Variants in CPNE8 observed in about 807,000 individuals in gnomAD.
CPNE8 encodes the protein copine 8, also known as copine-8.
CPNE8 carries 45 observed loss-of-function variants against 81.5 expected under a neutral mutation model. The ratio of observed to expected loss-of-function variants is 0.55; its 90% confidence interval spans 0.44 to 0.71. The LOEUF is 0.71. CPNE8 is among the 30% of genes least tolerant of loss of function. The probability of loss-of-function intolerance (pLI) is 0.00; values close to 1 mark genes in which losing one functional copy is unlikely to be tolerated. For missense variants in CPNE8, 594 were observed against 672.1 expected (o/e 0.88, Z 1.28); for synonymous variants, 252 against 226.3 (o/e 1.11, Z -1.02).
chr12:38,731,938 T>A (rs1565588456), intron 10 of CPNE8, among the ~76,000 whole-genome samples: 1 of 151,920 alleles, frequency 6.6e-6, no homozygotes, highest in Non-Finnish European at 1.5e-5. Flanking sequence ...ATGAAGGTTT[T>A]TTTTTAGAAT....
chr12:38,708,359 A>T (rs1464245092), intron 13 of CPNE8, among the ~76,000 whole-genome samples: 3 of 145,540 alleles, frequency 2.1e-5, no homozygotes, highest in East Asian at 2.0e-4. Flanking sequence ...GGAAAAAAAA[A>T]ATCAATCGTG....
intron 17 of CPNE8, among the ~76,000 whole-genome samples, chr12:38,676,860 A>G (rs1939301213): frequency 6.6e-6 from 1 of 152,176 alleles, no homozygotes; most frequent in African/African-American, 2.4e-5. Flanking sequence ...TAAAGTGCAT[A>G]TTAATGCCAC....
At chr12:38,887,297 A>G (rs1418221934) in intron 1 of CPNE8, among the ~76,000 whole-genome samples, 1 of 152,204 alleles carries the variant, frequency 6.6e-6, no homozygotes, top group Non-Finnish European at 1.5e-5. Flanking sequence ...AGGGGGTACT[A>G]GGCCTGAAAA....
At chr12:38,844,868 C>A (rs749658615) in intron 4 of CPNE8, among the ~76,000 whole-genome samples, 2 of 152,100 alleles carry the variant, frequency 1.3e-5, no homozygotes, top group Non-Finnish European at 2.9e-5. Context: ...ATTAAGTAAA[C>A]CCAAAACAAT....
chr12:38,799,882 A>G (rs1398601645), intron 6 of CPNE8, among the ~76,000 whole-genome samples: 2 of 151,942 alleles, frequency 1.3e-5, no homozygotes, highest in East Asian at 3.9e-4. Flanking sequence ...TTCCGAGTCA[A>G]AGAAAGGTGT....
Position 38,838,640 on chromosome 12 carries a change from G to A in CPNE8, c.330+1276C>T, listed in dbSNP as rs1485247334. Among the ~76,000 whole-genome samples the A allele has an allele frequency of 3.9e-5, 6 of 152,110 alleles. No individual in the cohort carries two copies. The South Asian group carries it at 1.0e-3, about 26-fold the overall frequency. ...ATAAACCTTAATCATGAGCAGGAAG[G>A]TGGCATGGCAATCACAATGAACTTT... On this transcript the variant is annotated intron_variant, in intron 5 of 19. Coordinates refer to ENST00000331366, the MANE Select transcript of CPNE8 (RefSeq NM_153634.3).
chr12:38,691,103 T>C (rs987738499), intron 15 of CPNE8, among the ~76,000 whole-genome samples: 1 of 152,192 alleles, frequency 6.6e-6, no homozygotes, highest in African/African-American at 2.4e-5. Flanking sequence ...TAAAAACTTA[T>C]ATAAAGGTAC....
intron 6 of CPNE8, among the ~76,000 whole-genome samples, chr12:38,796,300 CA>C (rs1008965195): frequency 4.1e-5 from 6 of 145,394 alleles, no homozygotes; most frequent in South Asian, 4.4e-4. Flanking sequence ...AAATTAAAAA[CA>C]AAAAAAAAAT....
At position 38,749,440 on chromosome 12, in the gene CPNE8, G is replaced by A. The variant is rs528814031; in HGVS notation, c.722+11407C>T. Among the ~76,000 whole-genome samples the A allele has an allele frequency of 1.2e-4, 19 of 152,308 alleles. No homozygotes were observed. In the South Asian group the frequency reaches 3.9e-3, roughly 32 times the overall value. On this transcript the variant is annotated intron_variant, in intron 10 of 19. Transcript: ENST00000331366. Reference sequence around the variant, plus strand: ...AAATGTGGAAACGACTTTGGAACTGGGTGACAGGCAGAGGCTGGAACAGCT... The same window carrying A: ...AAATGTGGAAACGACTTTGGAACTGAGTGACAGGCAGAGGCTGGAACAGCT...
chr12:38,838,531 T>C (rs958143596), intron 5 of CPNE8, among the ~76,000 whole-genome samples: 1 of 152,206 alleles, frequency 6.6e-6, no homozygotes, highest in Admixed American at 6.5e-5. Flanking sequence ...AAATGCAGTT[T>C]CTTTTCTGAT....
At position 38,902,421 on chromosome 12, in the gene CPNE8, G is replaced by GAAAGAA. The variant is rs1565670445; in HGVS notation, c.98+3010_98+3015dup. On this transcript the variant is annotated intron_variant, in intron 1 of 19. Transcript: ENST00000331366. Reference sequence around the variant, plus strand: ...AAAGAAAGAAAGAAAGAAAGAAAAAGAAAGAAAGAAAGAAAGGAGAGAGAG... The same window carrying GAAAGAA: ...AAAGAAAGAAAGAAAGAAAGAAAAAGAAAGAAAAAGAAAGAAAGAAAGGAGAGAGAG... Among the ~76,000 whole-genome samples the GAAAGAA allele has an allele frequency of 6.3e-4, 69 of 109,440 alleles. 2 individuals carry two copies. The East Asian group carries it at 0.014, about 22-fold the overall frequency. The allele number at this position is 109,440 out of a possible 152,430, so 71.8% of individuals were successfully genotyped here.
chr12:38,777,067 T>C (rs561826201), intron 6 of CPNE8, among the ~76,000 whole-genome samples: 7 of 150,012 alleles, frequency 4.7e-5, no homozygotes, highest in African/African-American at 1.7e-4. Context: ...AACAGCCTCA[T>C]TTAGGTCCTG....
chr12:38,765,033 A>G (rs1055168300), intron 8 of CPNE8, among the ~76,000 whole-genome samples: 1 of 152,212 alleles, frequency 6.6e-6, no homozygotes, highest in African/African-American at 2.4e-5. Context: ...GCAGTAATTA[A>G]ATACTTTTGA....
In CPNE8 at chr12:38,680,422, C is replaced by T. The variant is rs1384750136; in HGVS notation, c.1272-2868G>A. 4.6e-5 allele frequency among the ~76,000 whole-genome samples: 7 copies of T among 152,008 alleles called. No individual in the cohort carries two copies. In the East Asian group the frequency reaches 1.3e-3, roughly 29 times the overall value. ...AATTTTATGTTACTAAGTGTCACCC[C>T]AAACTACTTTTGACTGGGCAATGAA... On this transcript the variant is annotated intron_variant, in intron 16 of 19. Transcript: ENST00000331366.
intron 8 of CPNE8, among the ~76,000 whole-genome samples, chr12:38,763,179 G>A (rs1006187382): frequency 1.3e-5 from 2 of 152,126 alleles, no homozygotes; most frequent in African/African-American, 4.8e-5. Flanking sequence ...TTTTAAGCAG[G>A]TGAGAGTAGA....
intron 11 of CPNE8, among the ~76,000 whole-genome samples, chr12:38,727,907 A>C (rs1346549487): frequency 6.6e-6 from 1 of 152,226 alleles, no homozygotes; most frequent in Non-Finnish European, 1.5e-5. Flanking sequence ...AGTGAAAGCT[A>C]AGGCAGGACT....
chr12:38,692,916 C>T (rs1444206372), intron 15 of CPNE8, among the ~76,000 whole-genome samples: 1 of 152,080 alleles, frequency 6.6e-6, no homozygotes, highest in Admixed American at 6.5e-5. Context: ...ATATAAACAT[C>T]CTTGGAGTTT....
Position 38,704,826 on chromosome 12 carries a change from G to GTA in CPNE8, c.915-1907_915-1906dup, listed in dbSNP as rs573232937. ...GGACCATCTGTGTGTGTATGTATGT[G>GTA]TATATATATATATATATATATATAT... On this transcript the variant is annotated intron_variant, in intron 13 of 19. Coordinates refer to ENST00000331366, the MANE Select transcript of CPNE8 (RefSeq NM_153634.3). 3.9e-3 allele frequency among the ~76,000 whole-genome samples: 196 copies of GTA among 50,170 alleles called. 2 individuals are homozygous for GTA. The highest frequency in any genetic ancestry group is 8.6e-3 in the African/African-American group (185 of 21,624). 32.9% of individuals were successfully genotyped at this position (50,170 alleles called of 152,430 possible). A position where few individuals can be genotyped will look rare whatever the true frequency, so the allele number is the denominator to read the frequency against.
chr12:38,891,635 C>T lies in CPNE8; in HGVS notation c.98+13802G>A, dbSNP rs541664017. Among the ~76,000 whole-genome samples, 328 of 152,152 alleles carry T rather than the reference C, an allele frequency of 2.2e-3. 3 individuals carry two copies. The highest frequency in any genetic ancestry group is 7.4e-3 in the African/African-American group (307 of 41,532). ...GCTAATTTTGTATTTTTAGTAGAGA[C>T]AGGGTTCCTCCATGTTGGTCAGGCT... On this transcript the variant is annotated intron_variant, in intron 1 of 19. Coordinates refer to ENST00000331366, the MANE Select transcript of CPNE8 (RefSeq NM_153634.3).
Sources: gnomAD v4.1 joint callset for allele counts (sites outside exome capture counted in the v4.1 genomes callset) on GRCh38, gnomAD v4.1.1 for gene constraint, MANE v1.5 for transcripts, NCBI Gene and HGNC (gene_info 2026-07-23, HGNC 2026-07-21) for gene names.